The following MAD1L1 variants were observed in gnomAD, a reference collection of about 807,000 sequenced individuals.
MAD1L1 encodes mitotic arrest deficient 1 like 1.
A neutral mutation model predicts 96.9 loss-of-function variants in MAD1L1; 95 were observed. The ratio of observed to expected loss-of-function variants is 0.98; its 90% CI spans 0.83 to 1.16. The LOEUF (loss-of-function observed/expected upper bound fraction) is 1.16, where lower values mean the gene tolerates loss of function less well. Ranked by LOEUF, MAD1L1 falls within the 50% of genes most tolerant of loss-of-function variation. The pLI is 0.00. For missense variants in MAD1L1, 1,007 were observed against 954.4 expected (o/e 1.06, Z -0.73); for synonymous variants, 473 against 396.6 (o/e 1.19, Z -2.29).
At chr7:2,149,298 G>A (rs1789456443) in intron 10 of MAD1L1, 60 bp from the exon 11 acceptor site, 1 of 1,404,372 alleles carries the variant, frequency 7.1e-7, no homozygotes, top group Non-Finnish European at 1.0e-6. Context: ...ACCTGATTCT[G>A]CACACAAAAC....
intron 12 of MAD1L1, among the ~76,000 whole-genome samples, chr7:2,059,895 C>T (rs890392794): frequency 1.3e-5 from 2 of 152,102 alleles, no homozygotes; most frequent in South Asian, 2.1e-4. Flanking sequence ...ATGAAAACTG[C>T]GTCGAATGTT....
chr7:1,956,279 G>A (rs1160381521), intron 16 of MAD1L1, among the ~76,000 whole-genome samples: 1 of 152,068 alleles, frequency 6.6e-6, no homozygotes, highest in Non-Finnish European at 1.5e-5. Context: ...CAGAAGTGGT[G>A]GCAGCTGGAG....
intron 15 of MAD1L1, among the ~76,000 whole-genome samples, chr7:1,979,767 C>A (rs996856057): frequency 6.6e-6 from 1 of 152,156 alleles, no homozygotes; most frequent in Non-Finnish European, 1.5e-5. Flanking sequence ...GGCTGCTGCA[C>A]TGCCTGGGCT....
At chr7:2,000,790 T>G (rs1423013586) in intron 14 of MAD1L1, among the ~76,000 whole-genome samples, 1 of 152,220 alleles carries the variant, frequency 6.6e-6, no homozygotes, top group African/African-American at 2.4e-5. Context: ...TTCCAGAGGC[T>G]CAGGACAGCT....
intron 11 of MAD1L1, among the ~76,000 whole-genome samples, chr7:2,134,026 C>A (rs1788640429): frequency 1.3e-5 from 2 of 152,292 alleles, no homozygotes; most frequent in Middle Eastern, 3.4e-3. Context: ...CTTTTGCCTT[C>A]CCATATAAAC....
intron 15 of MAD1L1, among the ~76,000 whole-genome samples, chr7:1,963,696 G>A (rs1227546123): frequency 1.3e-5 from 2 of 152,238 alleles, no homozygotes; most frequent in Non-Finnish European, 2.9e-5. Context: ...CCAGGGGCAA[G>A]TGTCTCTGTC....
intron 10 of MAD1L1, among the ~76,000 whole-genome samples, chr7:2,209,484 A>G (rs10278084): frequency 6.6e-6 from 1 of 152,132 alleles, no homozygotes; most frequent in Non-Finnish European, 1.5e-5. Context: ...TGGGACAGCC[A>G]GAAGCGCCCC....
At chr7:1,843,167 T>C (rs1716993237) in intron 18 of MAD1L1, among the ~76,000 whole-genome samples, 1 of 152,176 alleles carries the variant, frequency 6.6e-6, no homozygotes, top group South Asian at 2.1e-4. Context: ...AGGGTCTGGG[T>C]GCCCTCGTTG....
At chr7:2,117,149 C>T (rs373073633) in intron 11 of MAD1L1, among the ~76,000 whole-genome samples, 1 of 152,210 alleles carries the variant, frequency 6.6e-6, no homozygotes, top group East Asian at 1.9e-4. Flanking sequence ...GAGTCTCCTG[C>T]AACATCCACG....
In MAD1L1 at chr7:2,163,970, C is replaced by T. The variant is rs3779008; in HGVS notation, c.987-14732G>A. ...GAGTTAACACCTTAGTGTCTGCAGT[C>T]AGTCAAGCACTCAATTCTAAGTCCA... On this transcript the variant is annotated intron_variant, in intron 10 of 18. Coordinates refer to ENST00000265854, the MANE Select transcript of MAD1L1 (RefSeq NM_001013836.2). Among the ~76,000 whole-genome samples, 15 of 152,210 alleles carry T rather than the reference C, an allele frequency of 9.9e-5. No individual in the cohort carries two copies. The East Asian group carries it at 2.7e-3, about 27-fold the overall frequency.
At chr7:1,836,053 A>G (rs1156842464) in intron 18 of MAD1L1, among the ~76,000 whole-genome samples, 1 of 151,848 alleles carries the variant, frequency 6.6e-6, no homozygotes, top group Non-Finnish European at 1.5e-5. Context: ...ACGGAGTCTC[A>G]CTCTGCCGCC....
chr7:2,095,161 G>C (rs1786419243), intron 11 of MAD1L1, among the ~76,000 whole-genome samples: 1 of 152,040 alleles, frequency 6.6e-6, no homozygotes. Context: ...TCCTGCCTCA[G>C]CCTCCCAAGT....
At chr7:1,902,947 G>T (rs1787347217) in intron 17 of MAD1L1, among the ~76,000 whole-genome samples, 1 of 151,454 alleles carries the variant, frequency 6.6e-6, no homozygotes, top group Non-Finnish European at 1.5e-5. Context: ...GATTGATGAA[G>T]CACTGTTCCA....
chr7:1,937,432 C>A (rs1203267332), intron 16 of MAD1L1, among the ~76,000 whole-genome samples: 1 of 152,204 alleles, frequency 6.6e-6, no homozygotes, highest in Non-Finnish European at 1.5e-5. Context: ...GATGTTCCCA[C>A]GAAACCCAGG....
At chr7:2,051,415 A>G (rs1160547006) in intron 12 of MAD1L1, among the ~76,000 whole-genome samples, 2 of 152,214 alleles carry the variant, frequency 1.3e-5, no homozygotes, top group African/African-American at 4.8e-5. Context: ...CCTACAGGAC[A>G]GAAGGGGCTC....
chr7:2,199,820 C>G (rs945992857), intron 10 of MAD1L1, among the ~76,000 whole-genome samples: 3 of 152,264 alleles, frequency 2.0e-5, no homozygotes, highest in African/African-American at 7.2e-5. Flanking sequence ...ACCCACCACC[C>G]ACCTAGGTGC....
chr7:1,980,336 C>T (rs1394319394), intron 15 of MAD1L1, 117 bp downstream of exon 15: 2 of 822,704 alleles, frequency 2.4e-6, no homozygotes, highest in Admixed American at 2.6e-5. Flanking sequence ...CGCCTCCTCC[C>T]CCACAGGACA....
chr7:2,130,046 G>A (rs1053548010), intron 11 of MAD1L1, among the ~76,000 whole-genome samples: 65 of 152,258 alleles, frequency 4.3e-4, no homozygotes, highest in African/African-American at 1.5e-3. Context: ...ACAGACTCCA[G>A]CACCAAGTGG....
At chr7:2,126,250 G>T (rs375485108) in intron 11 of MAD1L1, among the ~76,000 whole-genome samples, 1 of 152,240 alleles carries the variant, frequency 6.6e-6, no homozygotes, top group African/African-American at 2.4e-5. Flanking sequence ...GCCCATGGAC[G>T]GGGGACGCCC....
Sources: allele counts gnomAD v4.1 joint callset (sites outside exome capture counted in the v4.1 genomes callset), GRCh38; gene constraint gnomAD v4.1.1; transcripts MANE v1.5; gene names NCBI Gene and HGNC (gene_info 2026-07-23, HGNC 2026-07-21).